The following PLA2G12A variants were observed in gnomAD, a reference collection of about 807,000 sequenced individuals.
PLA2G12A encodes group XIIA secretory phospholipase A2.
Under a neutral mutation model 16.0 loss-of-function variants are expected in PLA2G12A, and 11 were observed. That is an observed-to-expected ratio of 0.69 (90% CI 0.43 to 1.13). The LOEUF (loss-of-function observed/expected upper bound fraction) is 1.13. Ranked by LOEUF, PLA2G12A falls within the 50% of genes most tolerant of loss-of-function variation. The probability of loss-of-function intolerance (pLI) is 0.00; values close to 1 mark genes in which losing one functional copy is unlikely to be tolerated. For synonymous variants in PLA2G12A, 77 were observed against 93.8 expected (o/e 0.82, Z 1.03); for missense variants, 214 against 237.3 (o/e 0.90, Z 0.65).
chr4:109,724,101 C>T (rs1273681033), intron 1 of PLA2G12A, among the ~76,000 whole-genome samples: 1 of 152,128 alleles, frequency 6.6e-6, no homozygotes. Flanking sequence ...GCTTTAAAGA[C>T]ATGTGTCTCA....
At position 109,712,175 on chromosome 4, in the gene PLA2G12A, G is replaced by C. The variant is rs950004405; in HGVS notation, c.*2202C>G. On this transcript the variant is annotated 3_prime_UTR_variant, in exon 4 of 4. Transcript: ENST00000243501. ...AAATAAAGTCAAAGTTCCGTTAATA[G>C]TAATTGCCATTGCTGGTTACTTAGC... is the stretch of plus-strand genomic sequence containing the variant. 6.6e-6 allele frequency: 1 copy of C among 152,206 alleles called. No individual in the cohort carries two copies. The highest frequency in any genetic ancestry group is 2.1e-4 in the South Asian group (1 of 4,836). 9.4% of individuals were successfully genotyped at this position (152,206 alleles called of 1,614,324 possible). A position where few individuals can be genotyped will look rare whatever the true frequency, so the allele number is the denominator to read the frequency against.
chr4:109,714,579 C>A, intron 3 of PLA2G12A, 84 bp from the exon 4 acceptor site: 1 of 883,700 alleles, frequency 1.1e-6, no homozygotes, highest in Non-Finnish European at 1.9e-6. Context: ...CAGCAACAAG[C>A]ATATCCCTCG....
At chr4:109,725,962 A>G (rs1722926540) in intron 1 of PLA2G12A, among the ~76,000 whole-genome samples, 1 of 152,190 alleles carries the variant, frequency 6.6e-6, no homozygotes, top group South Asian at 2.1e-4. Flanking sequence ...GTTCACTTTT[A>G]TATTTTCCTC....
chr4:109,729,727 G>C lies in PLA2G12A; in HGVS notation c.83C>G (p.Thr28Ser), dbSNP rs777265724. ...CTTCAGGGTGGCTCTCCAGTCGGTGGTCTGGGCCTGCTCCTGGCACCTGAC... is the reference window on the plus strand; with the variant it reads ...CTTCAGGGTGGCTCTCCAGTCGGTGCTCTGGGCCTGCTCCTGGCACCTGAC... ...AVVRCQEQAQ[T>S]TDWRATLKTI... The change falls in exon 1 of 4, where the codon ACC becomes AGC. Residue 28 changes from threonine to serine, a missense_variant. By Grantham distance (58) the Thr-to-Ser change is moderately conservative (BLOSUM62 1). Coordinates refer to ENST00000243501, the MANE Select transcript of PLA2G12A (RefSeq NM_030821.5). 1.9e-5 allele frequency: 30 copies of C among 1,603,122 alleles called. No individual in the cohort carries two copies. Among genetic ancestry groups the C allele is most frequent in the Non-Finnish European group, 2.5e-5 (29 of 1,175,876 alleles).
chr4:109,722,982 A>G (rs1245010950), intron 1 of PLA2G12A, among the ~76,000 whole-genome samples: 1 of 152,070 alleles, frequency 6.6e-6, no homozygotes, highest in Non-Finnish European at 1.5e-5. Flanking sequence ...CCGTTAAGAA[A>G]CCCTGCTGTT....
At chr4:109,718,870 G>A in intron 1 of PLA2G12A, 111 bp from the exon 2 acceptor site, 1 of 687,942 alleles carries the variant, frequency 1.5e-6, no homozygotes. Context: ...ATATTTACTT[G>A]GATGCTAACA....
rs1344184230 is a variant in PLA2G12A at position 109,711,958 on chromosome 4, C to T, written c.*2419G>A. 6.6e-6 allele frequency: 1 copy of T among 152,540 alleles called. No individual in the cohort carries two copies. The highest frequency in any genetic ancestry group is 1.5e-5 in the Non-Finnish European group (1 of 68,024). The allele number at this position is 152,540 out of a possible 1,614,324, so 9.4% of individuals were successfully genotyped here. A position where few individuals can be genotyped will look rare whatever the true frequency, so the allele number is the denominator to read the frequency against. The stretch of plus-strand genomic sequence containing the variant: ...AACCATGAGGAAAACATCAGACAAA[C>T]CCAAATTGAGGAATATTCTACAAAA... On this transcript the variant is annotated 3_prime_UTR_variant, in exon 4 of 4. Transcript: ENST00000243501.
At chr4:109,724,953 T>C (rs967617643) in intron 1 of PLA2G12A, among the ~76,000 whole-genome samples, 4 of 152,328 alleles carry the variant, frequency 2.6e-5, no homozygotes, top group Middle Eastern at 3.4e-3. Context: ...GGCATATGTG[T>C]ATGGTTCTTT....
rs1730693153 is a variant in PLA2G12A at position 109,710,033 on chromosome 4, T to C, written c.*4344A>G. On this transcript the variant is annotated 3_prime_UTR_variant, in exon 4 of 4. Coordinates refer to ENST00000243501, the MANE Select transcript of PLA2G12A (RefSeq NM_030821.5). ...ATAATTATTATTTTTCGTATACCGG[T>C]TGCACTGATTCATTTTTGCTCTTTT... 6.6e-6 allele frequency: 1 copy of C among 152,218 alleles called. No individual in the cohort carries two copies. The highest frequency in any genetic ancestry group is 2.4e-5 in the African/African-American group (1 of 41,462). The allele number at this position is 152,218 out of a possible 1,614,324, so 9.4% of individuals were successfully genotyped here. A position where few individuals can be genotyped will look rare whatever the true frequency, so the allele number is the denominator to read the frequency against.
chr4:109,715,229 A>C (rs905180633), intron 3 of PLA2G12A, among the ~76,000 whole-genome samples: 1 of 152,204 alleles, frequency 6.6e-6, no homozygotes, highest in Non-Finnish European at 1.5e-5. Context: ...AATACTCTTA[A>C]ATTTGCATTT....
rs570579897 is a variant in PLA2G12A, at chr4:109,723,358, G to A, written c.209-4599C>T. Among the ~76,000 whole-genome samples, 9 of 152,196 alleles carry A rather than the reference G, an allele frequency of 5.9e-5. No individual in the cohort carries two copies. The South Asian group carries it at 1.2e-3, about 21-fold the overall frequency. On this transcript the variant is annotated intron_variant, in intron 1 of 3. Coordinates refer to ENST00000243501, the MANE Select transcript of PLA2G12A (RefSeq NM_030821.5). ...TTGTTAGTTTCAGTTCACCATTCTCGACTGCTGAGCAGTTTTTAAATCTAG... is the reference window on the plus strand; with the variant it reads ...TTGTTAGTTTCAGTTCACCATTCTCAACTGCTGAGCAGTTTTTAAATCTAG...
Position 109,729,858 on chromosome 4 carries a change from G to A in PLA2G12A, c.-49C>T, listed in dbSNP as rs1166186457. 3 of 1,502,782 alleles carry A rather than the reference G, an allele frequency of 2.0e-6. No individual in the cohort carries two copies. Among genetic ancestry groups the A allele is most frequent in the South Asian group, 2.5e-5 (2 of 79,780 alleles). 93.1% of individuals were successfully genotyped at this position (1,502,782 alleles called of 1,614,324 possible). A position where few individuals can be genotyped will look rare whatever the true frequency, so the allele number is the denominator to read the frequency against. ...GTCCCCGAGCCGCGGCGCGGGGCGCGTCCCCACAGAGTCCCCAGGACGCGC... is the reference window on the plus strand; with the variant it reads ...GTCCCCGAGCCGCGGCGCGGGGCGCATCCCCACAGAGTCCCCAGGACGCGC... On this transcript the variant is annotated 5_prime_UTR_variant, in exon 1 of 4. It adds an upstream start codon to the 5' untranslated region. Coordinates refer to ENST00000243501, the MANE Select transcript of PLA2G12A (RefSeq NM_030821.5).
Position 109,729,917 on chromosome 4 carries a change from GC to G in PLA2G12A, c.-109del. The stretch of plus-strand genomic sequence containing the variant: ...GGCGCGGGCCCCGGACTTGGCAGCA[GC>G]CAGCTCCATATCCACGCCTCCTTCC... On this transcript the variant is annotated 5_prime_UTR_variant, in exon 1 of 4. The change abolishes the stop of an existing upstream ORF in the 5' untranslated region. Coordinates refer to ENST00000243501, the MANE Select transcript of PLA2G12A (RefSeq NM_030821.5). 1.1e-6 allele frequency: 1 copy of G among 933,248 alleles called. No homozygotes were observed. The highest frequency in any genetic ancestry group is 1.5e-6 in the Non-Finnish European group (1 of 652,826). 57.8% of individuals were successfully genotyped at this position (933,248 alleles called of 1,614,324 possible). A position where few individuals can be genotyped will look rare whatever the true frequency, so the allele number is the denominator to read the frequency against.
intron 1 of PLA2G12A, among the ~76,000 whole-genome samples, chr4:109,725,525 T>C (rs1283987647): frequency 1.3e-5 from 2 of 152,204 alleles, no homozygotes; most frequent in African/African-American, 2.4e-5. Flanking sequence ...CAAAACACCA[T>C]GATGTGTTGC....
intron 1 of PLA2G12A, among the ~76,000 whole-genome samples, chr4:109,727,692 T>C (rs892941163): frequency 6.6e-6 from 1 of 151,950 alleles, no homozygotes; most frequent in African/African-American, 2.4e-5. Context: ...TCCTAGCTAT[T>C]TGGGAAGCTG....
chr4:109,729,948 T>A lies in PLA2G12A; in HGVS notation c.-139A>T. ...TCCATATCCACGCCTCCTTCCCGGC[T>A]GGCCCTCAGGATCTCGCTGTCTTTA... is the stretch of plus-strand genomic sequence containing the variant. On this transcript the variant is annotated 5_prime_UTR_variant, in exon 1 of 4. Coordinates refer to ENST00000243501, the MANE Select transcript of PLA2G12A (RefSeq NM_030821.5). 1.4e-6 allele frequency: 1 copy of A among 696,550 alleles called. No homozygotes were observed. The highest frequency in any genetic ancestry group is 2.2e-6 in the Non-Finnish European group (1 of 444,846). 43.1% of individuals were successfully genotyped at this position (696,550 alleles called of 1,614,324 possible). A position where few individuals can be genotyped will look rare whatever the true frequency, so the allele number is the denominator to read the frequency against.
At chr4:109,718,456 T>C (rs932629276) in intron 2 of PLA2G12A, among the ~76,000 whole-genome samples, 2 of 152,218 alleles carry the variant, frequency 1.3e-5, no homozygotes, top group African/African-American at 4.8e-5. Context: ...TATGTGATAT[T>C]GGGAAATATC....
At position 109,714,093 on chromosome 4, in the gene PLA2G12A, T is replaced by G; in HGVS notation, c.*284A>C. 1 of 304,046 alleles carries G rather than the reference T, an allele frequency of 3.3e-6. No homozygotes were observed. Among genetic ancestry groups the G allele is most frequent in the Non-Finnish European group, 6.2e-6 (1 of 162,548 alleles). 18.8% of individuals were successfully genotyped at this position (304,046 alleles called of 1,614,324 possible). The stretch of plus-strand genomic sequence containing the variant: ...GAGTTATATATTCCTCTTTTCAAAA[T>G]TCTCCGCTAAACAAGCACTTGTTTT... On this transcript the variant is annotated 3_prime_UTR_variant, in exon 4 of 4. Coordinates refer to ENST00000243501, the MANE Select transcript of PLA2G12A (RefSeq NM_030821.5).
Position 109,718,634 on chromosome 4 carries a change from T to G in PLA2G12A, c.285+49A>C, listed in dbSNP as rs143298107. On this transcript the variant is annotated intron_variant, in intron 2 of 3. Transcript: ENST00000243501. Reference sequence around the variant, plus strand: ...GATAGTCTTATATCACCAAAAGTATTACATGATTTACCAGTTACAAAACTT... The same window carrying G: ...GATAGTCTTATATCACCAAAAGTATGACATGATTTACCAGTTACAAAACTT... 6.2e-5 allele frequency: 85 copies of G among 1,361,908 alleles called. No homozygotes were observed. In the African/African-American group the frequency reaches 1.2e-3, roughly 19 times the overall value. The allele number at this position is 1,361,908 out of a possible 1,614,324, so 84.4% of individuals were successfully genotyped here. A position where few individuals can be genotyped will look rare whatever the true frequency, so the allele number is the denominator to read the frequency against.
Sources: allele counts gnomAD v4.1 joint callset (sites outside exome capture counted in the v4.1 genomes callset), GRCh38; gene constraint gnomAD v4.1.1; transcripts MANE v1.5; gene names NCBI Gene and HGNC (gene_info 2026-07-23, HGNC 2026-07-21).